NUDT6: variants seen among roughly 807,000 people sequenced by gnomAD.
NUDT6 encodes FAD diphosphatase NUDT6.
A neutral mutation model predicts 36.8 loss-of-function variants in NUDT6; 24 were observed. That is an observed-to-expected ratio of 0.65 (90% CI 0.47 to 0.92). NUDT6 has a LOEUF of 0.92. NUDT6 is among the 40% of genes least tolerant of loss of function. The pLI, the probability that NUDT6 is intolerant of heterozygous loss-of-function variation, is 0.00. For missense variants in NUDT6, 388 were observed against 392.8 expected (o/e 0.99, Z 0.10); for synonymous variants, 163 against 157.0 (o/e 1.04, Z -0.29).
In NUDT6 at chr4:122,917,618, C is replaced by G. The variant is rs1172597258; in HGVS notation, c.325G>C (p.Ala109Pro). The change falls in exon 2 of 5, where the codon GCT becomes CCT. Residue 109 changes from alanine to proline, a missense_variant. Coordinates refer to ENST00000304430, the MANE Select transcript of NUDT6 (RefSeq NM_007083.5). Reference protein sequence around the residue: ...ILQSRFIAPAASLGFCFHHAE... With the variant: ...ILQSRFIAPAPSLGFCFHHAE... ...TGGTGAAAGCAGAAGCCCAGGGAAG[C>G]AGCAGGGGCAATAAATCGGCTTTGG... The G allele has an allele frequency of 2.5e-6, 4 of 1,614,168 alleles. No individual in the cohort carries two copies. Among genetic ancestry groups the G allele is most frequent in the Non-Finnish European group, 2.5e-6 (3 of 1,180,028 alleles).
Position 122,904,200 on chromosome 4 carries a change from G to T in NUDT6, c.499-6522C>A, listed in dbSNP as rs148598593. On this transcript the variant is annotated intron_variant, in intron 3 of 4. Transcript: ENST00000304430. ...GGAGACTGACCATTAGCACCTAGAT[G>T]AGAAATTGCATAACAAAACTTTGTC... Among the ~76,000 whole-genome samples, 121 of 152,254 alleles carry T rather than the reference G, an allele frequency of 7.9e-4. 4 individuals carry two copies. In the East Asian group the frequency reaches 0.02, roughly 25 times the overall value.
At chr4:122,921,611 A>ATAAAAACAAACAAAC (rs1261028558) in intron 1 of NUDT6, 1 of 119,130 alleles carries the variant, frequency 8.4e-6, no homozygotes, top group African/African-American at 3.8e-5. Context: ...AAAAAAAAAA[A>ATAAAAACAAACAAAC]AAAAAAACAA....
intron 3 of NUDT6, among the ~76,000 whole-genome samples, chr4:122,899,620 C>A (rs1209925895): frequency 6.6e-6 from 1 of 152,020 alleles, no homozygotes; most frequent in Non-Finnish European, 1.5e-5. Flanking sequence ...TTCTTTATAT[C>A]AAACAATTCC....
intron 3 of NUDT6, among the ~76,000 whole-genome samples, chr4:122,900,385 C>A (rs1727496657): frequency 6.7e-6 from 1 of 149,438 alleles, no homozygotes; most frequent in South Asian, 2.1e-4. Flanking sequence ...CTTTTGTAAA[C>A]CTTCCAGCCT....
intron 3 of NUDT6, among the ~76,000 whole-genome samples, chr4:122,898,895 T>C (rs1727446351): frequency 6.6e-6 from 1 of 152,078 alleles, no homozygotes; most frequent in African/African-American, 2.4e-5. Flanking sequence ...TCCATTTACT[T>C]TTTGAGACAG....
At chr4:122,893,314 T>G (rs1727247982) in intron 4 of NUDT6, 89 bp from the exon 5 acceptor site, 3 of 1,297,836 alleles carry the variant, frequency 2.3e-6, no homozygotes. Flanking sequence ...TAGCATTATG[T>G]AAAGGCTCAA....
At chr4:122,908,101 G>A (rs543205097) in intron 3 of NUDT6, among the ~76,000 whole-genome samples, 10 of 146,614 alleles carry the variant, frequency 6.8e-5, no homozygotes, top group East Asian at 1.9e-4. Context: ...TTGACCAAGG[G>A]GACCCCAAAA....
intron 3 of NUDT6, among the ~76,000 whole-genome samples, chr4:122,902,426 T>G (rs1307680948): frequency 6.6e-6 from 1 of 152,188 alleles, no homozygotes; most frequent in East Asian, 1.9e-4. Flanking sequence ...TGTAGAAACT[T>G]TGCTTAACTC....
chr4:122,912,697 T>C (rs1016895868), intron 2 of NUDT6, 74 bp from the exon 3 acceptor site: 2 of 927,378 alleles, frequency 2.2e-6, no homozygotes, highest in African/African-American at 1.7e-5. Flanking sequence ...ACACTCTCTA[T>C]CTGTGGTGAT....
At chr4:122,922,668 C>G (rs1728120312), upstream of NUDT6, 1 of 1,067,532 alleles carries the variant, frequency 9.4e-7, no homozygotes, top group South Asian at 1.5e-5. Flanking sequence ...CCATCAATAC[C>G]CTCAGAGTTG....
chr4:122,905,491 C>G (rs1410198065), intron 3 of NUDT6, among the ~76,000 whole-genome samples: 1 of 152,148 alleles, frequency 6.6e-6, no homozygotes, highest in Non-Finnish European at 1.5e-5. Flanking sequence ...ATATGTATGT[C>G]TGTGTGTATA....
chr4:122,893,023 A>AT lies in NUDT6; in HGVS notation c.755dup (p.Asn252LysfsTer2), dbSNP rs1405425282. On this transcript the variant is annotated frameshift_variant, in exon 5 of 5. Transcript: ENST00000304430. LOFTEE classifies it high-confidence loss of function. ...TTGTATTTTCAGTCTTCGCCAGGTC[A>AT]TTGAGATCCATCCACTCACATCTTA... 2 of 1,614,158 alleles carry AT rather than the reference A, an allele frequency of 1.2e-6. No homozygotes were observed. Among genetic ancestry groups the AT allele is most frequent in the Middle Eastern group, 3.3e-4 (2 of 6,062 alleles).
At chr4:122,916,948 T>C (rs1560774552) in intron 2 of NUDT6, among the ~76,000 whole-genome samples, 1 of 152,194 alleles carries the variant, frequency 6.6e-6, no homozygotes, top group Non-Finnish European at 1.5e-5. Flanking sequence ...ATGGATACAC[T>C]GGATATGGGG....
intron 3 of NUDT6, among the ~76,000 whole-genome samples, chr4:122,904,156 G>A (rs78261793): frequency 0.035 from 5,388 of 152,192 alleles, 119 homozygotes; most frequent in Non-Finnish European, 0.05. Context: ...AGGGGGTTGG[G>A]GAAGCTTTCA....
chr4:122,897,341 T>C, intron 4 of NUDT6: 1 of 372,706 alleles, frequency 2.7e-6, no homozygotes, highest in Non-Finnish European at 4.8e-6. Context: ...TACTGATGTA[T>C]ATCCAAAGCT....
At chr4:122,922,203 G>C in intron 1 of NUDT6, 132 bp downstream of exon 1, 1 of 707,134 alleles carries the variant, frequency 1.4e-6, no homozygotes, top group South Asian at 2.3e-5. Flanking sequence ...AACAGGTCCA[G>C]GTCACGCGTG....
chr4:122,901,495 G>A (rs1276679873), intron 3 of NUDT6, among the ~76,000 whole-genome samples: 1 of 152,164 alleles, frequency 6.6e-6, no homozygotes, highest in Non-Finnish European at 1.5e-5. Context: ...CAGTGTGGAT[G>A]ATGTAAGGGT....
chr4:122,901,222 T>C (rs1224184283), intron 3 of NUDT6, among the ~76,000 whole-genome samples: 1 of 152,126 alleles, frequency 6.6e-6, no homozygotes, highest in Non-Finnish European at 1.5e-5. Context: ...GCATATCTGA[T>C]TTTCACATAC....
chr4:122,909,063 C>T (rs991671196), intron 3 of NUDT6, among the ~76,000 whole-genome samples: 1 of 147,054 alleles, frequency 6.8e-6, no homozygotes, highest in Non-Finnish European at 1.5e-5. Flanking sequence ...TCCCCGCCAT[C>T]CCAGCTTTTT....
Sources: allele counts gnomAD v4.1 joint callset (sites outside exome capture counted in the v4.1 genomes callset), GRCh38; gene constraint gnomAD v4.1.1; transcripts MANE v1.5; gene names NCBI Gene and HGNC (gene_info 2026-07-23, HGNC 2026-07-21).